The following PPM1E variants were observed in gnomAD, a reference collection of about 807,000 sequenced individuals.
The protein encoded by PPM1E is protein phosphatase, Mg2+/Mn2+ dependent 1E, also known as protein phosphatase 1E.
In PPM1E, 20 loss-of-function variants were observed where a neutral mutation model predicts 65.9. The ratio of observed to expected loss-of-function variants is 0.30; its 90% confidence interval spans 0.21 to 0.44. The LOEUF (loss-of-function observed/expected upper bound fraction) is 0.44, where lower values mean the gene tolerates loss of function less well. Among genes scored for constraint, PPM1E ranks in the 20% least tolerant of loss-of-function variants. PPM1E has a pLI of 1.00. For synonymous variants in PPM1E, 352 were observed against 374.9 expected, an observed-to-expected ratio of 0.94 and a Z score of 0.70; for missense variants, 713 against 953.1, an observed-to-expected ratio of 0.75 and a Z score of 3.32.
chr17:58,966,031 G>A, intron 3 of PPM1E, 138 bp downstream of exon 3: 2 of 821,420 alleles, frequency 2.4e-6, no homozygotes, highest in African/African-American at 1.7e-5. Flanking sequence ...GTGCAAAGTG[G>A]CACAAATTTG....
intron 1 of PPM1E, among the ~76,000 whole-genome samples, chr17:58,858,269 GTAAT>G (rs1485139478): frequency 3.3e-5 from 5 of 152,002 alleles, no homozygotes; most frequent in African/African-American, 9.7e-5. Context: ...TCTTATCAGG[GTAAT>G]TAGTGTATCA....
intron 1 of PPM1E, among the ~76,000 whole-genome samples, chr17:58,807,145 G>C (rs2050323886): frequency 1.3e-5 from 2 of 152,052 alleles, no homozygotes; most frequent in Admixed American, 1.3e-4. Context: ...TGTTGAACTT[G>C]GATACATGAG....
intron 1 of PPM1E, among the ~76,000 whole-genome samples, chr17:58,933,912 T>C (rs1483986902): frequency 6.6e-6 from 1 of 151,578 alleles, no homozygotes; most frequent in Non-Finnish European, 1.5e-5. Flanking sequence ...CTGGCCAAGA[T>C]GCTGAAACTC....
intron 1 of PPM1E, among the ~76,000 whole-genome samples, chr17:58,778,023 G>A (rs1391938968): frequency 6.6e-6 from 1 of 151,708 alleles, no homozygotes; most frequent in Admixed American, 6.6e-5. Context: ...TCGGCCTCTG[G>A]GTCTCAATCG....
intron 1 of PPM1E, among the ~76,000 whole-genome samples, chr17:58,766,196 G>GTTTTTTTTTT (rs10604459): frequency 4.6e-5 from 3 of 65,132 alleles, no homozygotes; most frequent in Non-Finnish European, 5.7e-5. Flanking sequence ...TGTAATTTCT[G>GTTTTTTTTTT]TTTTTTTTTT....
chr17:58,828,538 C>A (rs948705823), intron 1 of PPM1E, among the ~76,000 whole-genome samples: 5 of 152,116 alleles, frequency 3.3e-5, no homozygotes, highest in Middle Eastern at 6.8e-3. Flanking sequence ...GATCTCGCCT[C>A]ACCACAACCT....
At chr17:58,887,535 A>T (rs1456551303) in intron 1 of PPM1E, among the ~76,000 whole-genome samples, 1 of 152,214 alleles carries the variant, frequency 6.6e-6, no homozygotes, top group East Asian at 1.9e-4. Flanking sequence ...TATCTGGGTG[A>T]AAAGCTTTCT....
intron 1 of PPM1E, among the ~76,000 whole-genome samples, chr17:58,778,882 T>C (rs564913442): frequency 6.7e-5 from 10 of 148,242 alleles, no homozygotes; most frequent in African/African-American, 1.2e-4. Flanking sequence ...GTTTTCTCTA[T>C]TTCTTTTTTT....
chr17:58,909,879 T>G (rs1157894550), intron 1 of PPM1E, among the ~76,000 whole-genome samples: 1 of 151,482 alleles, frequency 6.6e-6, no homozygotes, highest in Non-Finnish European at 1.5e-5. Context: ...GGGGAAATTC[T>G]TAGTCATTTT....
rs2049760825 is a variant in PPM1E, at chr17:58,756,193, C to T, written c.196C>T (p.Pro66Ser). Residue 66 changes from proline (P) to serine (S), a missense_variant, in exon 1 of 7, where the codon CCC (proline) becomes TCC (serine). Physicochemically the swap from Pro to Ser is moderately conservative, Grantham distance 74. Around this residue, in one of 6 missense-constraint regions of PPM1E, gnomAD observed 212 missense variants for 204.0 expected, o/e 1.04. Coordinates refer to ENST00000308249, the MANE Select transcript of PPM1E (RefSeq NM_014906.5). ...AEAAEASVEE[P>S]GEEAATVAAT... ...GGCGGCCGAGGCTTCGGTAGAGGAA[C>T]CCGGGGAGGAGGCGGCCACGGTAGC... The T allele has an allele frequency of 1.3e-6, 2 of 1,562,736 alleles. No homozygotes were observed. Among genetic ancestry groups the T allele is most frequent in the Non-Finnish European group, 1.7e-6 (2 of 1,153,386 alleles).
chr17:58,830,325 T>G (rs149495375), intron 1 of PPM1E, among the ~76,000 whole-genome samples: 50 of 100,032 alleles, frequency 5.0e-4, no homozygotes, highest in Non-Finnish European at 8.7e-4. Context: ...TATTATTATT[T>G]GAGATGGAGT....
intron 1 of PPM1E, among the ~76,000 whole-genome samples, chr17:58,840,638 A>G (rs1054666622): frequency 2.6e-5 from 4 of 151,746 alleles, no homozygotes; most frequent in Non-Finnish European, 5.9e-5. Context: ...GTGCTAAAGA[A>G]AAAAAAAAGA....
intron 2 of PPM1E, among the ~76,000 whole-genome samples, chr17:58,959,712 G>A (rs1203525558): frequency 6.6e-6 from 1 of 150,384 alleles, no homozygotes; most frequent in Non-Finnish European, 1.5e-5. Flanking sequence ...TGTATATTGA[G>A]TACAGCAGTT....
At chr17:58,943,129 G>A (rs532985214) in intron 1 of PPM1E, among the ~76,000 whole-genome samples, 2 of 152,034 alleles carry the variant, frequency 1.3e-5, no homozygotes, top group Admixed American at 6.6e-5. Context: ...TGCAGGGGGC[G>A]GAAATTGCAG....
chr17:58,817,792 C>T (rs965775694), intron 1 of PPM1E, among the ~76,000 whole-genome samples: 5 of 151,722 alleles, frequency 3.3e-5, no homozygotes, highest in African/African-American at 9.7e-5. Context: ...TGCTCTGTCG[C>T]CCAGGCTCGA....
chr17:58,960,407 A>G (rs1482822588), intron 2 of PPM1E, among the ~76,000 whole-genome samples: 5 of 152,242 alleles, frequency 3.3e-5, no homozygotes, highest in Non-Finnish European at 7.3e-5. Flanking sequence ...CCTGAATCAC[A>G]GGGTTTCAGA....
At chr17:58,932,569 A>C (rs1348408679) in intron 1 of PPM1E, among the ~76,000 whole-genome samples, 1 of 152,256 alleles carries the variant, frequency 6.6e-6, no homozygotes, top group Non-Finnish European at 1.5e-5. Flanking sequence ...CAAACATGGG[A>C]TCTGGGAACA....
At chr17:58,890,192 G>GT (rs1159698880) in intron 1 of PPM1E, among the ~76,000 whole-genome samples, 2 of 152,072 alleles carry the variant, frequency 1.3e-5, no homozygotes, top group Non-Finnish European at 2.9e-5. Context: ...TAAAGATACC[G>GT]TATTAAATAT....
intron 6 of PPM1E, among the ~76,000 whole-genome samples, chr17:58,979,486 C>T (rs1240837013): frequency 6.6e-6 from 1 of 152,170 alleles, no homozygotes; most frequent in East Asian, 1.9e-4. Flanking sequence ...GATTTCTAAA[C>T]AAGAATAGAA....
Sources: allele counts gnomAD v4.1 joint callset (sites outside exome capture counted in the v4.1 genomes callset), GRCh38; gene constraint gnomAD v4.1.1; regional missense constraint gnomAD v4.1.1; transcripts MANE v1.5; gene names NCBI Gene and HGNC (gene_info 2026-07-23, HGNC 2026-07-21).